NR0B1: variants seen among roughly 807,000 people sequenced by gnomAD.
NR0B1 encodes nuclear receptor subfamily 0 group B member 1.
Under a neutral mutation model 23.0 loss-of-function variants are expected in NR0B1, and 3 were observed. The observed-to-expected ratio is 0.13, with a 90% CI of 0.06 to 0.34. The LOEUF (loss-of-function observed/expected upper bound fraction) is 0.34, where lower values mean the gene tolerates loss of function less well. NR0B1 is among the 10% of genes least tolerant of loss of function. NR0B1 has a pLI of 1.00. For missense variants in NR0B1, 350 were observed against 402.9 expected (o/e 0.87, Z 1.12); for synonymous variants, 205 against 184.0 (o/e 1.11, Z -0.92).
chrX:30,307,873 TAAAAG>T (rs1439690912), intron 1 of NR0B1, among the ~76,000 whole-genome samples: 1 of 112,031 alleles, frequency 8.9e-6, no homozygotes, highest in Non-Finnish European at 1.9e-5. Flanking sequence ...GCTCTGGACT[TAAAAG>T]AAAGCTAAAG....
intron 1 of NR0B1, chrX:30,305,872 A>G: frequency 2.2e-6 from 1 of 447,950 alleles, no homozygotes. Context: ...AATTCAACAG[A>G]AAAGTATTTT....
At chrX:30,305,054 T>C (rs1439162491) in intron 1 of NR0B1, among the ~76,000 whole-genome samples, 1 of 112,593 alleles carries the variant, frequency 8.9e-6, no homozygotes, top group East Asian at 2.8e-4. Flanking sequence ...CGTTTGCAAA[T>C]ACACTGGCCA....
chrX:30,304,747 G>C lies in NR0B1; in HGVS notation c.1245C>G (p.Thr415=), dbSNP rs145911517. ...WGTQQILSEH[T]RMTHQGPHDR... The stretch of plus-strand genomic sequence containing the variant: ...CATGGGGCCCTTGGTGCGTCATCCT[G>C]GTGTGTTCACTGAGTATTTGCTGAG... Residue 415 remains threonine, a synonymous_variant, in exon 2 of 2, where the codon ACC becomes ACG. Transcript: ENST00000378970. The C allele has an allele frequency of 5.8e-6, 7 of 1,209,200 alleles. No individual in the cohort carries two copies. The African/African-American group carries it at 1.1e-4, about 18-fold the overall frequency.
chrX:30,308,443 C>A lies in NR0B1; in HGVS notation c.921G>T (p.Glu307Asp), dbSNP rs1388733999. The A allele has an allele frequency of 8.3e-6, 10 of 1,201,353 alleles. No individual in the cohort carries two copies. The highest frequency in any genetic ancestry group is 1.0e-5 in the Non-Finnish European group (9 of 890,143). ...LELAQDRLQFETVEVSEPSML... is the reference protein window; with the variant it reads ...LELAQDRLQFDTVEVSEPSML... Reference sequence around the variant, plus strand: ...TGCTGGGCTCCGAGACTTCCACAGTCTCGAACTGCAAGCGGTCCTGGGCCA... The same window carrying A: ...TGCTGGGCTCCGAGACTTCCACAGTATCGAACTGCAAGCGGTCCTGGGCCA... The change falls in exon 1 of 2, where the codon GAG becomes GAT. Residue 307 changes from glutamate (E) to aspartate (D), a missense_variant. Transcript: ENST00000378970.
Position 30,304,560 on chromosome X carries a change from T to G in NR0B1, c.*19A>C, listed in dbSNP as rs760506998. ...CTCATGGTGAACTGCACTACTGCACTTGTGTGGCCCACATGACTTTATATC... is the reference window on the plus strand; with the variant it reads ...CTCATGGTGAACTGCACTACTGCACGTGTGTGGCCCACATGACTTTATATC... On this transcript the variant is annotated 3_prime_UTR_variant, in exon 2 of 2. Coordinates refer to ENST00000378970, the MANE Select transcript of NR0B1 (RefSeq NM_000475.5). 1 of 1,210,836 alleles carries G rather than the reference T, an allele frequency of 8.3e-7. No individual in the cohort carries two copies. Among genetic ancestry groups the G allele is most frequent in the East Asian group, 3.0e-5 (1 of 33,867 alleles).
intron 1 of NR0B1, chrX:30,305,568 C>T (rs909988813): frequency 3.1e-5 from 7 of 226,199 alleles, no homozygotes; most frequent in Non-Finnish European, 3.9e-5. Flanking sequence ...GAAAACATCA[C>T]GAATTGTACC....
At chrX:30,305,898 A>C in intron 1 of NR0B1, 1 of 417,834 alleles carries the variant, frequency 2.4e-6, no homozygotes, top group Non-Finnish European at 4.2e-6. Context: ...CACCATGCCA[A>C]TCATCACAGA....
chrX:30,305,853 T>C, intron 1 of NR0B1: 1 of 459,892 alleles, frequency 2.2e-6, no homozygotes, highest in Admixed American at 4.0e-5. Context: ...TCCTTCCCTT[T>C]TCCTAAAAAA....
intron 1 of NR0B1, chrX:30,305,638 AC>A (rs1926504727): frequency 1.2e-5 from 4 of 326,987 alleles, no homozygotes; most frequent in Non-Finnish European, 2.1e-5. Flanking sequence ...ATAGTGTGAT[AC>A]CGAAGTAAAA....
chrX:30,306,943 A>G (rs1313743149), intron 1 of NR0B1, among the ~76,000 whole-genome samples: 1 of 111,324 alleles, frequency 9.0e-6, no homozygotes, highest in Non-Finnish European at 1.9e-5. Flanking sequence ...TGCACAGGCA[A>G]GTTTGGAAAA....
In NR0B1 at chrX:30,308,374, GC is replaced by G. The variant is rs1429614404; in HGVS notation, c.989del (p.Gly330AlafsTer42). 1 of 1,208,486 alleles carries G rather than the reference GC, an allele frequency of 8.3e-7. No individual in the cohort carries two copies. Among genetic ancestry groups the G allele is most frequent in the Non-Finnish European group, 1.1e-6 (1 of 894,255 alleles). On this transcript the variant is annotated frameshift_variant, in exon 1 of 2. Transcript: ENST00000378970. LOFTEE classifies it high-confidence loss of function. The stretch of plus-strand genomic sequence containing the variant: ...GCGTGGGCACGGGCAGTGGCTCGTT[GC>G]CCCCGGTCTCCCGCCGCCTGGTGGT... The part of the protein sequence containing the change: ...ILTTRRRETG[G>X]NEPLPVPTLQ...
chrX:30,309,074 G>A lies in NR0B1; in HGVS notation c.290C>T (p.Pro97Leu), dbSNP rs139871029. 4.2e-6 allele frequency: 5 copies of A among 1,198,588 alleles called. No individual in the cohort carries two copies. The highest frequency in any genetic ancestry group is 1.9e-5 in the African/African-American group (1 of 53,665). The change falls in exon 1 of 2, where the codon CCC becomes CTC. Residue 97 changes from proline (P) to leucine (L), a missense_variant. Around this residue, in one of 2 missense-constraint regions of NR0B1, gnomAD observed 298 missense variants for 314.0 expected, o/e 0.95. Coordinates refer to ENST00000378970, the MANE Select transcript of NR0B1 (RefSeq NM_000475.5). ...AKQTYAAPKAPEATLGPCWGC... is the reference protein window; with the variant it reads ...AKQTYAAPKALEATLGPCWGC... ...CCAGCACGGACCCAGCGTCGCCTCG[G>A]GCGCCTTCGGTGCCGCGTACGTTTG... is the stretch of plus-strand genomic sequence containing the variant.
intron 1 of NR0B1, among the ~76,000 whole-genome samples, chrX:30,306,304 C>T (rs1364941689): frequency 1.8e-5 from 2 of 111,391 alleles, no homozygotes; most frequent in Non-Finnish European, 3.8e-5. Context: ...CACACAGAGA[C>T]ACACAAACTG....
chrX:30,308,442 T>C lies in NR0B1; in HGVS notation c.922A>G (p.Thr308Ala). The change falls in exon 1 of 2, where the codon ACT becomes GCT. Residue 308 changes from threonine to alanine, a missense_variant. By Grantham distance (58) the Thr-to-Ala change is moderately conservative. Transcript: ENST00000378970. ...ELAQDRLQFE[T>A]VEVSEPSMLQ... ...ATGCTGGGCTCCGAGACTTCCACAG[T>C]CTCGAACTGCAAGCGGTCCTGGGCC... is the stretch of plus-strand genomic sequence containing the variant. The C allele has an allele frequency of 8.3e-7, 1 of 1,200,707 alleles. No homozygotes were observed. The highest frequency in any genetic ancestry group is 1.7e-5 in the African/African-American group (1 of 57,428).
rs1248710856 is a variant in NR0B1, at chrX:30,308,856, C to T, written c.508G>A (p.Ala170Thr). 8.5e-7 allele frequency: 1 copy of T among 1,172,993 alleles called. No homozygotes were observed. The highest frequency in any genetic ancestry group is 1.1e-6 in the Non-Finnish European group (1 of 876,399). The change falls in exon 1 of 2, where the codon GCG (alanine) becomes ACG (threonine). Residue 170 changes from alanine to threonine, a missense_variant. This residue lies in a region of NR0B1 where 298 missense variants were observed against 314.0 expected (regional missense o/e 0.95). Coordinates refer to ENST00000378970, the MANE Select transcript of NR0B1 (RefSeq NM_000475.5). ...GCGAAGTAGGAGCGGTCCCACCACG[C>T]GCCCCCTGGCCGTGCCTCGGGCGCT... ...PAAPEARPGGAWWDRSYFAQR... is the reference protein window; with the variant it reads ...PAAPEARPGGTWWDRSYFAQR...
At position 30,304,580 on chromosome X, in the gene NR0B1, T is replaced by C; in HGVS notation, c.1412A>G (p.Ter471=). 1 of 1,211,728 alleles carries C rather than the reference T, an allele frequency of 8.3e-7. No individual in the cohort carries two copies. The highest frequency in any genetic ancestry group is 1.1e-6 in the Non-Finnish European group (1 of 895,399). Residue 471 remains the stop codon, a stop_retained_variant, in exon 2 of 2, where the codon TAA becomes TGA. Transcript: ENST00000378970. ...TGCACTTGTGTGGCCCACATGACTT[T>C]ATATCTTTGTACAGAGCATTTCCAG... ...MMLEMLCTKI[*]
chrX:30,308,802 G>A lies in NR0B1; in HGVS notation c.562C>T (p.Pro188Ser), dbSNP rs1233541315. Residue 188 changes from proline to serine, a missense_variant, in exon 1 of 2, where the codon CCA becomes TCA. By Grantham distance (74) the Pro-to-Ser change is moderately conservative. Transcript: ENST00000378970. ...AQRPGGKEAL[P>S]GGRATALLYR... is the part of the protein sequence containing the mutation. ...AGAAGCGCCGTGGCCCGCCCGCCTGGTAGCGCCTCTTTACCCCCTGGCCTC... is the reference window on the plus strand; with the variant it reads ...AGAAGCGCCGTGGCCCGCCCGCCTGATAGCGCCTCTTTACCCCCTGGCCTC... 8.3e-7 allele frequency: 1 copy of A among 1,200,374 alleles called. No individual in the cohort carries two copies. Among genetic ancestry groups the A allele is most frequent in the African/African-American group, 1.7e-5 (1 of 57,400 alleles).
At position 30,309,238 on chromosome X, in the gene NR0B1, C is replaced by T; in HGVS notation, c.126G>A (p.Ser42=). 1 of 1,168,631 alleles carries T rather than the reference C, an allele frequency of 8.6e-7. No homozygotes were observed. Residue 42 remains serine, a synonymous_variant, in exon 1 of 2, where the codon TCG becomes TCA. Coordinates refer to ENST00000378970, the MANE Select transcript of NR0B1 (RefSeq NM_000475.5). The stretch of plus-strand genomic sequence containing the variant: ...TGCCCACCCCGGGCTCATCGCCGCA[C>T]GAACAGCCCCAGCACTGATCCACCA... The part of the protein sequence containing the change: ...TRLVDQCWGC[S]CGDEPGVGRE...
chrX:30,305,042 C>T, intron 1 of NR0B1, among the ~76,000 whole-genome samples: 1 of 112,568 alleles, frequency 8.9e-6, no homozygotes, highest in African/African-American at 3.2e-5. Flanking sequence ...TTTCTATGCA[C>T]ACGTTTGCAA....
Sources: gnomAD v4.1 joint callset for allele counts (sites outside exome capture counted in the v4.1 genomes callset) on GRCh38, gnomAD v4.1.1 for gene constraint, gnomAD v4.1.1 regional missense constraint, MANE v1.5 for transcripts, NCBI Gene and HGNC (gene_info 2026-07-23, HGNC 2026-07-21) for gene names.